PCDH15: variants seen among roughly 807,000 people sequenced by gnomAD.
PCDH15 encodes the protein protocadherin-15.
Under a neutral mutation model 178.5 loss-of-function variants are expected in PCDH15, and 129 were observed. That is an observed-to-expected ratio of 0.72 (90% confidence interval 0.63 to 0.84). PCDH15 has a LOEUF of 0.84. PCDH15 is among the 40% of genes least tolerant of loss of function. The pLI is 0.00. For synonymous variants in PCDH15, 800 were observed against 732.0 expected (o/e 1.09, Z -1.50); for missense variants, 2,230 against 2,099.9 (o/e 1.06, Z -1.21).
chr10:54,302,328 T>C (rs1317320903), intron 8 of PCDH15, among the ~76,000 whole-genome samples: 1 of 152,180 alleles, frequency 6.6e-6, no homozygotes, highest in Non-Finnish European at 1.5e-5. Context: ...AAAACTTGTG[T>C]GAGACACACT....
chr10:54,930,993 A>G (rs1837758724), intron 2 of PCDH15, among the ~76,000 whole-genome samples: 1 of 152,178 alleles, frequency 6.6e-6, no homozygotes, highest in Admixed American at 6.6e-5. Context: ...GGCATGATTG[A>G]TGGATTATAT....
chr10:53,986,043 G>T (rs2134703304), intron 21 of PCDH15, among the ~76,000 whole-genome samples: 1 of 152,124 alleles, frequency 6.6e-6, no homozygotes, highest in East Asian at 1.9e-4. Context: ...ATTTTTAAGT[G>T]TATCACACAG....
chr10:55,625,640 G>A (rs945880356), intron 2 of PCDH15, among the ~76,000 whole-genome samples: 3 of 152,156 alleles, frequency 2.0e-5, no homozygotes, highest in Non-Finnish European at 4.4e-5. Flanking sequence ...AATGAGATCT[G>A]TTCTTCCCTC....
intron 13 of PCDH15, among the ~76,000 whole-genome samples, chr10:54,168,486 C>T (rs2046502074): frequency 6.6e-6 from 1 of 152,150 alleles, no homozygotes; most frequent in Non-Finnish European, 1.5e-5. Context: ...CTCTGCTCCT[C>T]CACCCTATAA....
intron 3 of PCDH15, among the ~76,000 whole-genome samples, chr10:54,467,601 G>GTTTTTTTTTTTTTTTTT (rs67776985): frequency 1.1e-4 from 5 of 45,696 alleles, no homozygotes; most frequent in East Asian, 7.1e-4. Flanking sequence ...TCAAGCTGTA[G>GTTTTTTTTTTTTTTTTT]TTTTTTTTTT....
chr10:54,853,283 A>ACG (rs1953662281), intron 3 of PCDH15, among the ~76,000 whole-genome samples: 2 of 75,112 alleles, frequency 2.7e-5, no homozygotes, highest in East Asian at 1.1e-3. Flanking sequence ...ATGTGTATGT[A>ACG]TGTGTGTATA....
At chr10:55,146,607 A>C (rs556218067) in intron 2 of PCDH15, among the ~76,000 whole-genome samples, 23 of 152,066 alleles carry the variant, frequency 1.5e-4, no homozygotes, top group African/African-American at 5.1e-4. Context: ...TGTTGTATTA[A>C]GTTATACATG....
At chr10:53,941,178 C>G (rs1010593446) in intron 23 of PCDH15, among the ~76,000 whole-genome samples, 1 of 152,140 alleles carries the variant, frequency 6.6e-6, no homozygotes, top group Non-Finnish European at 1.5e-5. Flanking sequence ...CCCATTATCA[C>G]TGAAAGTCCA....
intron 3 of PCDH15, among the ~76,000 whole-genome samples, chr10:54,829,509 C>T (rs1441104981): frequency 2.0e-5 from 3 of 151,988 alleles, no homozygotes; most frequent in African/African-American, 7.2e-5. Flanking sequence ...CCTGGTTATT[C>T]AGTGAATAGT....
chr10:55,152,319 C>A (rs914785677), intron 2 of PCDH15, among the ~76,000 whole-genome samples: 1 of 151,342 alleles, frequency 6.6e-6, no homozygotes, highest in East Asian at 2.0e-4. Flanking sequence ...ATAATAGGTC[C>A]GTATAGGTTT....
chr10:54,714,779 C>CAATA (rs2095460604), intron 1 of PCDH15, among the ~76,000 whole-genome samples: 2 of 152,092 alleles, frequency 1.3e-5, no homozygotes, highest in Non-Finnish European at 2.9e-5. Context: ...TTTTTATTCC[C>CAATA]AAACTATAAC....
intron 2 of PCDH15, among the ~76,000 whole-genome samples, chr10:55,586,325 T>C (rs1051581962): frequency 6.6e-6 from 1 of 151,914 alleles, no homozygotes; most frequent in Non-Finnish European, 1.5e-5. Flanking sequence ...TTTTAAGTAA[T>C]TTCTATTTTA....
intron 2 of PCDH15, among the ~76,000 whole-genome samples, chr10:55,522,652 AC>A (rs574353701): frequency 1.1e-4 from 16 of 151,738 alleles, no homozygotes; most frequent in Non-Finnish European, 1.9e-4. Flanking sequence ...TATTTAGTTT[AC>A]CCATTTGCAT....
At chr10:55,020,122 A>ATATATATATATAATATATATGTATAAT (rs2131953419) in intron 2 of PCDH15, among the ~76,000 whole-genome samples, 1 of 114,160 alleles carries the variant, frequency 8.8e-6, no homozygotes, top group Admixed American at 1.0e-4. Flanking sequence ...ATGTATAATT[A>ATATATATATATAATATATATGTATAAT]TATATATATA....
intron 3 of PCDH15, among the ~76,000 whole-genome samples, chr10:54,849,119 C>T (rs1417971732): frequency 6.6e-6 from 1 of 152,002 alleles, no homozygotes; most frequent in Non-Finnish European, 1.5e-5. Flanking sequence ...CTAAAGATTG[C>T]TTTGTTTCTA....
At chr10:54,139,810 A>G (rs959058246) in intron 14 of PCDH15, among the ~76,000 whole-genome samples, 1 of 152,182 alleles carries the variant, frequency 6.6e-6, no homozygotes, top group Non-Finnish European at 1.5e-5. Flanking sequence ...GTAAAAAGTT[A>G]TAGATACGAA....
chr10:53,927,112 C>G (rs1316543060), intron 25 of PCDH15, among the ~76,000 whole-genome samples: 6 of 151,068 alleles, frequency 4.0e-5, no homozygotes, highest in Admixed American at 6.6e-5. Context: ...TTAAAAAGTA[C>G]TAGTCTGTTT....
At chr10:55,501,405 G>A (rs1840653475) in intron 2 of PCDH15, among the ~76,000 whole-genome samples, 1 of 151,556 alleles carries the variant, frequency 6.6e-6, no homozygotes. Flanking sequence ...CATATCTGGG[G>A]ACTATTTAAA....
chr10:55,605,400 G>T (rs1395718893), intron 2 of PCDH15, among the ~76,000 whole-genome samples: 10 of 150,796 alleles, frequency 6.6e-5, no homozygotes, highest in Non-Finnish European at 1.2e-4. Flanking sequence ...ATTTTATGAG[G>T]CCAGCATCAT....
Sources: gnomAD v4.1 joint callset for allele counts (sites outside exome capture counted in the v4.1 genomes callset) on GRCh38, gnomAD v4.1.1 for gene constraint, MANE v1.5 for transcripts, NCBI Gene and HGNC (gene_info 2026-07-23, HGNC 2026-07-21) for gene names.